SLC1A6: variants seen among roughly 807,000 people sequenced by gnomAD.
The protein encoded by SLC1A6 is excitatory amino acid transporter 4.
Under a neutral mutation model 42.1 loss-of-function variants are expected in SLC1A6, and 15 were observed. That is an observed-to-expected ratio of 0.36 (90% CI 0.24 to 0.55). The LOEUF is 0.55. Among genes scored for constraint, SLC1A6 ranks in the 20% least tolerant of loss-of-function variants. The pLI is 0.88. For synonymous variants in SLC1A6, 317 were observed against 319.7 expected, an observed-to-expected ratio of 0.99 and a Z score of 0.09; for missense variants, 542 against 772.5, an observed-to-expected ratio of 0.70 and a Z score of 3.54.
Position 14,995,680 on chromosome 19 carries a change from A to G in SLC1A6, c.6+14805T>C, listed in dbSNP as rs181304382. Among the ~76,000 whole-genome samples the G allele has an allele frequency of 1.5e-3, 235 of 152,316 alleles. 1 individual carries two copies. Among genetic ancestry groups the G allele is most frequent in the Non-Finnish European group, 9.3e-4 (63 of 68,030 alleles). Reference sequence around the variant, plus strand: ...ATGCTATACATGATATACAGATACAATTTGTGTCAATTTTTAAATTTTTAA... The same window carrying G: ...ATGCTATACATGATATACAGATACAGTTTGTGTCAATTTTTAAATTTTTAA... On this transcript the variant is annotated intron_variant, in intron 1 of 8. Transcript: ENST00000430939.
chr19:14,952,613 A>G (rs768115420), intron 9 of SLC1A6, among the ~76,000 whole-genome samples: 9 of 151,896 alleles, frequency 5.9e-5, no homozygotes, highest in Admixed American at 1.3e-4. Flanking sequence ...GTTTGTTTGT[A>G]TTTTTAGTAG....
chr19:14,964,045 T>C, intron 5 of SLC1A6: 1 of 305,168 alleles, frequency 3.3e-6, no homozygotes, highest in Non-Finnish European at 6.1e-6. Context: ...CCCAGGCTGG[T>C]CTTGAACTTT....
At chr19:15,005,448 G>A (rs1330459944) in intron 1 of SLC1A6, among the ~76,000 whole-genome samples, 3 of 152,114 alleles carry the variant, frequency 2.0e-5, no homozygotes, top group Non-Finnish European at 4.4e-5. Flanking sequence ...GGCGTAGGTT[G>A]CAGTGAACCG....
At chr19:14,969,368 G>A (rs148122323) in intron 3 of SLC1A6, among the ~76,000 whole-genome samples, 9 of 152,266 alleles carry the variant, frequency 5.9e-5, no homozygotes, top group African/African-American at 1.7e-4. Flanking sequence ...GAGCTGCCTT[G>A]CCCATAGAAA....
chr19:14,952,070 G>C (rs12978810), intron 9 of SLC1A6, among the ~76,000 whole-genome samples: 109,558 of 151,168 alleles, frequency 0.72, 40,151 homozygotes, highest in African/African-American at 0.84. Context: ...CTTTGGCCTC[G>C]CAAAGTGCTG....
intron 2 of SLC1A6, among the ~76,000 whole-genome samples, chr19:14,972,378 A>G (rs911063212): frequency 1.3e-4 from 14 of 107,630 alleles, no homozygotes; most frequent in Admixed American, 2.9e-4. Flanking sequence ...ACAAGTGTGC[A>G]TGTTTGTGTT....
chr19:14,954,602 C>A (rs1316783849), intron 7 of SLC1A6, among the ~76,000 whole-genome samples: 1 of 151,552 alleles, frequency 6.6e-6, no homozygotes, highest in African/African-American at 2.4e-5. Flanking sequence ...CAAGGCAGGG[C>A]GGGGCTCAGA....
Position 14,989,379 on chromosome 19 carries a change from G to C in SLC1A6, c.7-16462C>G, listed in dbSNP as rs897598752. 5.3e-5 allele frequency among the ~76,000 whole-genome samples: 8 copies of C among 151,902 alleles called. No homozygotes were observed. In the East Asian group the frequency reaches 1.4e-3, roughly 26 times the overall value. ...TGGGTTCAAGCAATTCTCCTGCCTC[G>C]GCCTCCCGAGTAGCTTGAATTACAG... is the stretch of plus-strand genomic sequence containing the variant. On this transcript the variant is annotated intron_variant, in intron 1 of 8. Transcript: ENST00000430939.
intron 1 of SLC1A6, among the ~76,000 whole-genome samples, chr19:15,002,951 T>C (rs2045878939): frequency 8.7e-6 from 1 of 114,534 alleles, no homozygotes; most frequent in African/African-American, 3.2e-5. Flanking sequence ...TTTGTCTTTT[T>C]GTTTTTTGTG....
intron 1 of SLC1A6, among the ~76,000 whole-genome samples, chr19:14,986,343 C>A (rs2045792488): frequency 6.6e-6 from 1 of 151,638 alleles, no homozygotes; most frequent in East Asian, 2.0e-4. Flanking sequence ...CATGGTGAAA[C>A]CCCGTCTCTA....
At chr19:14,962,657 C>T (rs983362478) in intron 5 of SLC1A6, among the ~76,000 whole-genome samples, 1 of 152,178 alleles carries the variant, frequency 6.6e-6, no homozygotes, top group African/African-American at 2.4e-5. Flanking sequence ...GTAATCCCAG[C>T]ACTTTGGAAG....
chr19:14,985,536 G>T (rs907883754), intron 1 of SLC1A6, among the ~76,000 whole-genome samples: 2 of 152,150 alleles, frequency 1.3e-5, no homozygotes, highest in African/African-American at 4.8e-5. Flanking sequence ...CTTCCACCAT[G>T]ACTGGAAGCT....
chr19:14,994,675 C>T lies in SLC1A6; in HGVS notation c.6+15810G>A, dbSNP rs112548914. Among the ~76,000 whole-genome samples, 984 of 152,210 alleles carry T rather than the reference C, an allele frequency of 6.5e-3. 10 individuals are homozygous for T. Among genetic ancestry groups the T allele is most frequent in the African/African-American group, 0.023 (936 of 41,532 alleles). ...TGTGAAAGTAAAATAAATTTGGGGA[C>T]CCCAAAATCACTAAGCCAAAGGGAA... On this transcript the variant is annotated intron_variant, in intron 1 of 8. Transcript: ENST00000430939.
chr19:15,007,528 T>C (rs1379736024), intron 1 of SLC1A6, among the ~76,000 whole-genome samples: 5 of 148,628 alleles, frequency 3.4e-5, no homozygotes, highest in African/African-American at 1.3e-4. Flanking sequence ...AAATCATTCA[T>C]TGTATTTATG....
At chr19:14,996,588 C>CTTCTTCT (rs1555710449) in intron 1 of SLC1A6, among the ~76,000 whole-genome samples, 7 of 150,546 alleles carry the variant, frequency 4.6e-5, no homozygotes, top group African/African-American at 7.3e-5. Flanking sequence ...TCTTCTTCCT[C>CTTCTTCT]TCATTGTACC....
intron 1 of SLC1A6, among the ~76,000 whole-genome samples, chr19:14,986,259 T>C (rs988641065): frequency 6.6e-6 from 1 of 152,080 alleles, no homozygotes; most frequent in Non-Finnish European, 1.5e-5. Context: ...GGCTCATGCC[T>C]GTAATCCCAG....
chr19:14,976,240 GC>G (rs1482697589), intron 1 of SLC1A6, among the ~76,000 whole-genome samples: 2 of 152,234 alleles, frequency 1.3e-5, no homozygotes, highest in African/African-American at 2.4e-5. Context: ...TTTCATCACA[GC>G]AATATTCGCA....
intron 1 of SLC1A6, among the ~76,000 whole-genome samples, chr19:14,978,722 G>T (rs189979770): frequency 6.8e-6 from 1 of 148,106 alleles, no homozygotes; most frequent in Non-Finnish European, 1.5e-5. Flanking sequence ...CCTCAGGCAC[G>T]CAACCACCCA....
chr19:14,966,719 C>G (rs1293363614), intron 4 of SLC1A6, among the ~76,000 whole-genome samples: 1 of 152,108 alleles, frequency 6.6e-6, no homozygotes, highest in Non-Finnish European at 1.5e-5. Context: ...AGTTCATGTC[C>G]TTTGCAGGGA....
Sources: gnomAD v4.1 joint callset for allele counts (sites outside exome capture counted in the v4.1 genomes callset) on GRCh38, gnomAD v4.1.1 for gene constraint, MANE v1.5 for transcripts, NCBI Gene and HGNC (gene_info 2026-07-23, HGNC 2026-07-21) for gene names.